PCDHGA1: variants seen among roughly 807,000 people sequenced by gnomAD.
The protein encoded by PCDHGA1 is protocadherin gamma-A1.
Under a neutral mutation model 58.0 loss-of-function variants are expected in PCDHGA1, and 32 were observed. That is an observed-to-expected ratio of 0.55 (90% CI 0.42 to 0.74). The LOEUF (loss-of-function observed/expected upper bound fraction) is 0.74, where lower values mean the gene tolerates loss of function less well. PCDHGA1 is among the 30% of genes least tolerant of loss of function. The pLI, the probability that PCDHGA1 is intolerant of heterozygous loss-of-function variation, is 0.00. For synonymous variants in PCDHGA1, 498 were observed against 501.1 expected (o/e 0.99, Z 0.08); for missense variants, 1,205 against 1,182.3 (o/e 1.02, Z -0.28).
intron 1 of PCDHGA1, chr5:141,418,233 ATGT>A: frequency 6.2e-7 from 1 of 1,614,048 alleles, no homozygotes; most frequent in Admixed American, 1.7e-5. Context: ...GTGATTGAGG[ATGT>A]TAATGACCAC....
intron 1 of PCDHGA1, chr5:141,361,017 A>C (rs767981942): frequency 3.1e-6 from 5 of 1,613,324 alleles, no homozygotes; most frequent in Admixed American, 1.7e-5. Flanking sequence ...TTTTCAACTT[A>C]AATGAAAAAA....
At chr5:141,399,977 T>C (rs1166854292) in intron 1 of PCDHGA1, 1 of 1,612,262 alleles carries the variant, frequency 6.2e-7, no homozygotes, top group African/African-American at 1.3e-5. Flanking sequence ...AGCCTGGGGC[T>C]GCGCACAGGA....
rs1414722237 is a variant in PCDHGA1 at position 141,432,748 on chromosome 5, C to T, written c.2422-62059C>T. On this transcript the variant is annotated intron_variant, in intron 1 of 3. Coordinates refer to ENST00000517417, the MANE Select transcript of PCDHGA1 (RefSeq NM_018912.3). The surrounding 1 kb of genome is among the most constrained non-coding windows in gnomAD (Gnocchi z 6.0). ...CCGCCACTGTCACGCTCACCGTGGC[C>T]GTGGCCGACAGCATCCCCCAAGTCC... 1 of 1,614,120 alleles carries T rather than the reference C, an allele frequency of 6.2e-7. No homozygotes were observed. The highest frequency in any genetic ancestry group is 8.5e-7 in the Non-Finnish European group (1 of 1,179,980).
At chr5:141,446,295 G>A (rs146503397) in intron 1 of PCDHGA1, among the ~76,000 whole-genome samples, 1 of 152,196 alleles carries the variant, frequency 6.6e-6, no homozygotes, top group Non-Finnish European at 1.5e-5. Flanking sequence ...TGGGGAGCAG[G>A]GATTAAGAGT....
intron 1 of PCDHGA1, chr5:141,409,349 A>G: frequency 6.2e-7 from 1 of 1,614,030 alleles, no homozygotes. Context: ...TGGAGAAGTC[A>G]GGTGTAATAT....
At chr5:141,372,324 G>T (rs559633972) in intron 1 of PCDHGA1, 3 of 1,613,586 alleles carry the variant, frequency 1.9e-6, no homozygotes, top group African/African-American at 1.3e-5. Flanking sequence ...GCGCCTGCTG[G>T]TCACTGTGCG....
chr5:141,421,970 A>C, intron 1 of PCDHGA1: 1 of 1,610,928 alleles, frequency 6.2e-7, no homozygotes, highest in Middle Eastern at 1.7e-4. Flanking sequence ...CAGTCCGTAT[A>C]TCGCGTGAGT....
rs145748099 is a variant in PCDHGA1, at chr5:141,365,734, T to A, written c.2421+32629T>A. ...CTGTCACAGAAAACAATCCCAGAGG[T>A]GTCTCTATCTTCTCTGTGACAGCCC... On this transcript the variant is annotated intron_variant, in intron 1 of 3. Coordinates refer to ENST00000517417, the MANE Select transcript of PCDHGA1 (RefSeq NM_018912.3). The A allele has an allele frequency of 1.9e-6, 3 of 1,613,550 alleles. No individual in the cohort carries two copies. The African/African-American group carries it at 4.0e-5, about 22-fold the overall frequency.
chr5:141,431,648 A>G lies in PCDHGA1; in HGVS notation c.2422-63159A>G. 2 of 1,614,240 alleles carry G rather than the reference A, an allele frequency of 1.2e-6. No individual in the cohort carries two copies. The highest frequency in any genetic ancestry group is 1.7e-6 in the Non-Finnish European group (2 of 1,180,046). On this transcript the variant is annotated intron_variant, in intron 1 of 3. Transcript: ENST00000517417. The surrounding 1 kb of genome is among the most constrained non-coding windows in gnomAD (Gnocchi z 4.8). ...GGCCCAAGTTTTCAAACTAGATTGT[A>G]ATTCAGGGACAATATCAACAATAGG...
At chr5:141,345,259 C>G in intron 1 of PCDHGA1, 1 of 1,613,932 alleles carries the variant, frequency 6.2e-7, no homozygotes, top group African/African-American at 1.3e-5. Context: ...ACGGCCACAT[C>G]CCTGGACCGC....
chr5:141,374,178 G>C (rs1268452204), intron 1 of PCDHGA1: 2 of 1,613,614 alleles, frequency 1.2e-6, no homozygotes, highest in East Asian at 2.2e-5. Flanking sequence ...GCGCAGATCC[G>C]CTACTCTATT....
rs781198519 is a variant in PCDHGA1 at position 141,432,162 on chromosome 5, G to A, written c.2422-62645G>A. ...TATATCCCAGAGAACAATCCCAGAG[G>A]AGTTTCCCTCGTCTCTGTGACCGCC... On this transcript the variant is annotated intron_variant, in intron 1 of 3. Coordinates refer to ENST00000517417, the MANE Select transcript of PCDHGA1 (RefSeq NM_018912.3). The surrounding 1 kb of genome is among the most constrained non-coding windows in gnomAD (Gnocchi z 6.0). 1 of 1,614,070 alleles carries A rather than the reference G, an allele frequency of 6.2e-7. No homozygotes were observed. The highest frequency in any genetic ancestry group is 8.5e-7 in the Non-Finnish European group (1 of 1,180,030).
chr5:141,369,104 T>C (rs571749140), intron 1 of PCDHGA1, among the ~76,000 whole-genome samples: 2 of 152,282 alleles, frequency 1.3e-5, no homozygotes, highest in South Asian at 2.1e-4. Context: ...GAAAATGGAA[T>C]TAAAACTGTA....
chr5:141,336,856 C>T (rs1340313920), intron 1 of PCDHGA1, among the ~76,000 whole-genome samples: 1 of 152,122 alleles, frequency 6.6e-6, no homozygotes, highest in African/African-American at 2.4e-5. Flanking sequence ...AGGCAGCCCA[C>T]AGAAAGAGAG....
At position 141,408,867 on chromosome 5, in the gene PCDHGA1, G is replaced by T. The variant is rs376342658; in HGVS notation, c.2421+75762G>T. 5.5e-5 allele frequency: 88 copies of T among 1,613,574 alleles called. No homozygotes were observed. The highest frequency in any genetic ancestry group is 6.8e-5 in the Non-Finnish European group (80 of 1,179,830). ...GCCTTGGACGGAGGGGACCCACCAA[G>T]AAGTGCCACCGCTCACATAGAAATT... On this transcript the variant is annotated intron_variant, in intron 1 of 3. Transcript: ENST00000517417.
At chr5:141,405,114 C>T in intron 1 of PCDHGA1, 1 of 1,613,970 alleles carries the variant, frequency 6.2e-7, no homozygotes, top group Non-Finnish European at 8.5e-7. Flanking sequence ...CACTGGCACT[C>T]CTCGCATCTG....
rs367698678 is a variant in PCDHGA1 at position 141,374,080 on chromosome 5, A to G, written c.2421+40975A>G. The G allele has an allele frequency of 6.6e-6, 10 of 1,519,950 alleles. No individual in the cohort carries two copies. In the African/African-American group the frequency reaches 1.4e-4, roughly 21 times the overall value. 94.2% of individuals were successfully genotyped at this position (1,519,950 alleles called of 1,614,324 possible). A position where few individuals can be genotyped will look rare whatever the true frequency, so the allele number is the denominator to read the frequency against. On this transcript the variant is annotated intron_variant, in intron 1 of 3. Coordinates refer to ENST00000517417, the MANE Select transcript of PCDHGA1 (RefSeq NM_018912.3). The stretch of plus-strand genomic sequence containing the variant: ...ATCCCAGAGAAGTTCCTAATAAGCC[A>G]GTAATGGCGCCTCCGCAGAGGCATC...
chr5:141,495,853 C>T (rs1254274145), intron 2 of PCDHGA1, among the ~76,000 whole-genome samples: 1 of 152,136 alleles, frequency 6.6e-6, no homozygotes, highest in African/African-American at 2.4e-5. Context: ...TTCTCTGTCT[C>T]TCACTATTTC....
chr5:141,365,759 C>G (rs376978243), intron 1 of PCDHGA1: 16 of 1,613,742 alleles, frequency 9.9e-6, no homozygotes, highest in Non-Finnish European at 1.2e-5. Flanking sequence ...TGTGACAGCC[C>G]ATGACCCCGA....
Sources: allele counts gnomAD v4.1 joint callset (sites outside exome capture counted in the v4.1 genomes callset), GRCh38; gene constraint gnomAD v4.1.1; non-coding constraint Gnocchi (gnomAD v3.1); transcripts MANE v1.5; gene names NCBI Gene and HGNC (gene_info 2026-07-23, HGNC 2026-07-21).